The following MRPL43 variants were observed in gnomAD, a reference collection of about 807,000 sequenced individuals.
MRPL43 encodes large ribosomal subunit protein mL43.
Under a neutral mutation model 12.7 loss-of-function variants are expected in MRPL43, and 9 were observed. That is an observed-to-expected ratio of 0.71 (90% CI 0.43 to 1.24). MRPL43 has a LOEUF of 1.24. Ranked by LOEUF, MRPL43 falls within the 50% of genes most tolerant of loss-of-function variation. The probability of loss-of-function intolerance (pLI) is 0.00; values close to 1 mark genes in which losing one functional copy is unlikely to be tolerated. For missense variants in MRPL43, 211 were observed against 229.2 expected (o/e 0.92, Z 0.51); for synonymous variants, 116 against 96.4 (o/e 1.20, Z -1.19).
downstream of MRPL43, chr10:100,979,164 C>T: frequency 1.2e-6 from 2 of 1,614,216 alleles, no homozygotes; most frequent in Non-Finnish European, 1.7e-6. Context: ...AAGCCCGTCT[C>T]ATCTGCCACA....
downstream of MRPL43, chr10:100,983,720 G>C: frequency 6.2e-7 from 1 of 1,613,560 alleles, no homozygotes. Context: ...CCTGTCTGCG[G>C]GAAGGCAGAC....
downstream of MRPL43, chr10:100,979,703 C>T: frequency 2.2e-6 from 2 of 922,038 alleles, no homozygotes; most frequent in Non-Finnish European, 3.3e-6. Context: ...AGAATGAATG[C>T]AGTGGTCCAC....
downstream of MRPL43, chr10:100,983,518 A>C (rs1408024389): frequency 1.9e-6 from 3 of 1,614,176 alleles, no homozygotes; most frequent in East Asian, 6.7e-5. Flanking sequence ...TGCTATGCCG[A>C]GGAAAATGGC....
chr10:100,986,246 T>A, downstream of MRPL43: 1 of 1,234,674 alleles, frequency 8.1e-7, no homozygotes, highest in Non-Finnish European at 1.0e-6. Flanking sequence ...GCTTAACATA[T>A]GCACACATTT....
rs1251623029 is a variant in MRPL43 at position 100,987,390 on chromosome 10, T to C, written c.54A>G (p.Gly18=). The part of the protein sequence containing the change: ...SRFLASVLHN[G]LGRYVQQLQR... ...GCAGCTGCTGCACATAGCGACCCAG[T>C]CCGTTGTGGAGAACGCTGGCCAAGA... Residue 18 remains glycine (G), a synonymous_variant, in exon 1 of 3, where the codon GGA becomes GGG. Transcript: ENST00000318364. 1 of 1,612,620 alleles carries C rather than the reference T, an allele frequency of 6.2e-7. No individual in the cohort carries two copies. The highest frequency in any genetic ancestry group is 1.7e-5 in the Admixed American group (1 of 60,004).
chr10:100,980,403 C>A, downstream of MRPL43: 1 of 1,519,690 alleles, frequency 6.6e-7, no homozygotes. Context: ...CTTCTGAATC[C>A]ATTAATTCCT....
chr10:100,977,828 A>G (rs1850867276), downstream of MRPL43: 2 of 1,078,204 alleles, frequency 1.9e-6, no homozygotes, highest in African/African-American at 1.6e-5. Context: ...AGTGAAGGAG[A>G]CGGATGGTTT....
downstream of MRPL43, among the ~76,000 whole-genome samples, chr10:100,979,644 G>C (rs1214351413): frequency 6.6e-6 from 1 of 152,154 alleles, no homozygotes; most frequent in Non-Finnish European, 1.5e-5. Context: ...GCCTCTCAAA[G>C]TGCTGGCAAA....
Position 100,987,340 on chromosome 10 carries a change from C to A in MRPL43, c.104G>T (p.Arg35Leu). Residue 35 changes from arginine to leucine, a missense_variant, in exon 1 of 3, where the codon CGC becomes CTC. By Grantham distance (102) the Arg-to-Leu change is moderately radical. Coordinates refer to ENST00000318364, the MANE Select transcript of MRPL43 (RefSeq NM_032112.3). ...QLQRLSFSVS[R>L]DGASSRGARE... ...GGCGCCGCGAGACGAGGCGCCGTCG[C>A]GGCTGACGCTGAAGCTCAGACGCTG... 6.2e-7 allele frequency: 1 copy of A among 1,612,450 alleles called. No homozygotes were observed. Among genetic ancestry groups the A allele is most frequent in the Non-Finnish European group, 8.5e-7 (1 of 1,179,830 alleles).
chr10:100,980,878 C>T (rs1365187139), downstream of MRPL43: 2 of 1,610,074 alleles, frequency 1.2e-6, no homozygotes, highest in East Asian at 2.2e-5. Context: ...TCTCCAGCTG[C>T]TCCCGCTACC....
chr10:100,983,390 G>A, downstream of MRPL43: 1 of 1,611,782 alleles, frequency 6.2e-7, no homozygotes. Context: ...ACCTGGCCCG[G>A]GCCTTGTGGC....
At chr10:100,980,770 G>A (rs370698432), downstream of MRPL43, 49 of 1,601,924 alleles carry the variant, frequency 3.1e-5, no homozygotes, top group African/African-American at 5.6e-4. Flanking sequence ...CAGAGGCTGT[G>A]TATCTGTATG....
At chr10:100,987,009 G>A in intron 2 of MRPL43, 34 bp from the exon 3 acceptor site, 1 of 1,605,268 alleles carries the variant, frequency 6.2e-7, no homozygotes, top group East Asian at 2.2e-5. Context: ...GGTGGAAGCT[G>A]GCCGGTGCGA....
downstream of MRPL43, chr10:100,980,307 T>G: frequency 6.2e-7 from 1 of 1,614,234 alleles, no homozygotes; most frequent in Non-Finnish European, 8.5e-7. Context: ...TCACCACGCC[T>G]GCTGGACCTA....
At chr10:100,983,243 C>G, downstream of MRPL43, 16 of 1,457,146 alleles carry the variant, frequency 1.1e-5, no homozygotes, top group Non-Finnish European at 1.5e-5. Flanking sequence ...AACAGTCTGG[C>G]TTGCCATCTC....
At chr10:100,978,848 G>A (rs747546117), downstream of MRPL43, 2 of 1,613,642 alleles carry the variant, frequency 1.2e-6, no homozygotes, top group Non-Finnish European at 1.7e-6. Context: ...CTGACCCACA[G>A]ATGCGGAGTT....
At chr10:100,981,201 T>A (rs538842540), downstream of MRPL43, 1 of 1,614,172 alleles carries the variant, frequency 6.2e-7, no homozygotes, top group African/African-American at 1.3e-5. Context: ...AGAGAGGAAA[T>A]CGAGGCTGTG....
chr10:100,981,077 G>A, downstream of MRPL43: 1 of 1,602,022 alleles, frequency 6.2e-7, no homozygotes, highest in Admixed American at 1.7e-5. Flanking sequence ...GGAGTGCAGG[G>A]GCTAGTTATT....
At chr10:100,983,549 C>T (rs1851239938), downstream of MRPL43, 2 of 1,613,920 alleles carry the variant, frequency 1.2e-6, no homozygotes, top group South Asian at 2.2e-5. Context: ...TGCTGGCCTC[C>T]TATAGTCTCA....
Sources: gnomAD v4.1 joint callset for allele counts (sites outside exome capture counted in the v4.1 genomes callset) on GRCh38, gnomAD v4.1.1 for gene constraint, MANE v1.5 for transcripts, NCBI Gene and HGNC (gene_info 2026-07-23, HGNC 2026-07-21) for gene names.